Variants in CSMD2 observed in about 807,000 individuals in gnomAD.
The protein encoded by CSMD2 is CUB and sushi domain-containing protein 2.
CSMD2 carries 130 observed loss-of-function variants against 398.5 expected under a neutral mutation model. The observed-to-expected ratio is 0.33, with a 90% CI of 0.28 to 0.38. CSMD2 has a LOEUF of 0.38. Ranked by LOEUF, CSMD2 falls within the 10% of genes least tolerant of loss-of-function variation. The pLI, the probability that CSMD2 is intolerant of heterozygous loss-of-function variation, is 1.00. For synonymous variants in CSMD2, 1,828 were observed against 1,908.5 expected (o/e 0.96, Z 1.10); for missense variants, 3,829 against 4,764.9 (o/e 0.80, Z 5.78).
At chr1:33,595,338 A>G (rs1450472055) in intron 44 of CSMD2, among the ~76,000 whole-genome samples, 1 of 152,116 alleles carries the variant, frequency 6.6e-6, no homozygotes, top group African/African-American at 2.4e-5. Context: ...CTGCAACTGG[A>G]TAATCATGGA....
rs1033906730 is a variant in CSMD2, at chr1:33,692,875, A to G, written c.4052+55T>C. ...GCTGGATGGCCTGGTGATGATGCTG[A>G]TGATGGCTCCCCTGAACAACTGGCG... On this transcript the variant is annotated intron_variant, in intron 25 of 70. Coordinates refer to ENST00000373381, the MANE Select transcript of CSMD2 (RefSeq NM_001281956.2). 6 of 1,597,264 alleles carry G rather than the reference A, an allele frequency of 3.8e-6. No homozygotes were observed. The African/African-American group carries it at 6.8e-5, about 18-fold the overall frequency.
intron 2 of CSMD2, among the ~76,000 whole-genome samples, chr1:34,083,324 C>T (rs1271579888): frequency 6.6e-6 from 1 of 152,192 alleles, no homozygotes; most frequent in Non-Finnish European, 1.5e-5. Flanking sequence ...CTCTTTGTCA[C>T]TCTCTGTTCA....
At chr1:34,090,992 G>T (rs554747750) in intron 1 of CSMD2, among the ~76,000 whole-genome samples, 17 of 152,244 alleles carry the variant, frequency 1.1e-4, no homozygotes, top group African/African-American at 3.6e-4. Context: ...ACCTTTGCGC[G>T]GTTCTCTCTG....
chr1:33,760,462 A>G (rs1169238900), intron 13 of CSMD2, among the ~76,000 whole-genome samples: 1 of 152,178 alleles, frequency 6.6e-6, no homozygotes, highest in Non-Finnish European at 1.5e-5. Flanking sequence ...AAAACAGACC[A>G]TAAGTTCTTT....
chr1:33,878,063 A>G (rs1640965145), intron 5 of CSMD2: 1 of 152,152 alleles, frequency 6.6e-6, no homozygotes, highest in Admixed American at 6.5e-5. Flanking sequence ...TGGAGTGACC[A>G]TTTGGGACCA....
intron 21 of CSMD2, among the ~76,000 whole-genome samples, chr1:33,710,072 TACTTC>T (rs564491567): frequency 1.5e-4 from 23 of 152,356 alleles, no homozygotes; most frequent in African/African-American, 5.3e-4. Flanking sequence ...CATCCCATTT[TACTTC>T]ACTTATTTGT....
At chr1:34,027,077 A>T (rs1649743406) in intron 3 of CSMD2, among the ~76,000 whole-genome samples, 1 of 152,262 alleles carries the variant, frequency 6.6e-6, no homozygotes. Context: ...AAATTAAAAA[A>T]TTAAAATGTA....
chr1:33,941,221 C>T (rs972013951), intron 3 of CSMD2, among the ~76,000 whole-genome samples: 4 of 152,214 alleles, frequency 2.6e-5, no homozygotes, highest in African/African-American at 7.2e-5. Context: ...TGCCAATCAA[C>T]GTAATATTCT....
intron 1 of CSMD2, among the ~76,000 whole-genome samples, chr1:34,131,812 C>G (rs1044614748): frequency 1.3e-5 from 2 of 152,172 alleles, no homozygotes; most frequent in Non-Finnish European, 2.9e-5. Flanking sequence ...AGTGGCACAG[C>G]TCTGTCTTTG....
chr1:34,004,783 T>C (rs550273559), intron 3 of CSMD2, among the ~76,000 whole-genome samples: 1 of 152,132 alleles, frequency 6.6e-6, no homozygotes, highest in Non-Finnish European at 1.5e-5. Flanking sequence ...TATGGCCTGG[T>C]CAAATAGCAT....
chr1:33,999,970 T>C (rs1056401542), intron 3 of CSMD2, among the ~76,000 whole-genome samples: 6 of 152,160 alleles, frequency 3.9e-5, no homozygotes, highest in Non-Finnish European at 8.8e-5. Context: ...AGTGAAGGTA[T>C]TTACATTTTT....
intron 25 of CSMD2, among the ~76,000 whole-genome samples, chr1:33,689,079 G>A (rs1337047060): frequency 8.7e-6 from 1 of 114,874 alleles, no homozygotes; most frequent in African/African-American, 3.3e-5. Context: ...AAAGAAGGAG[G>A]GAAGGAGAGG....
At chr1:33,972,328 T>G (rs753331144) in intron 3 of CSMD2, among the ~76,000 whole-genome samples, 2 of 152,180 alleles carry the variant, frequency 1.3e-5, no homozygotes, top group Non-Finnish European at 2.9e-5. Flanking sequence ...ATTAATTGAT[T>G]CATAGTTTTA....
At position 33,626,539 on chromosome 1, in the gene CSMD2, T is replaced by C; in HGVS notation, c.5243A>G (p.Lys1748Arg). Residue 1748 changes from lysine (K) to arginine (R), a missense_variant, in exon 33 of 71, where the codon AAG becomes AGG. Coordinates refer to ENST00000373381, the MANE Select transcript of CSMD2 (RefSeq NM_001281956.2). ...PLATSNQVLI[K>R]FSAKGLAPAR... ...TGGTGCGAGGCCTTTGGCGCTGAAC[T>C]TAATGAGAACTTGATTGGAGGTGGC... 1 of 1,608,608 alleles carries C rather than the reference T, an allele frequency of 6.2e-7. No individual in the cohort carries two copies. The highest frequency in any genetic ancestry group is 8.5e-7 in the Non-Finnish European group (1 of 1,177,994).
At chr1:33,590,623 A>ACACACT in intron 44 of CSMD2, among the ~76,000 whole-genome samples, 1 of 151,408 alleles carries the variant, frequency 6.6e-6, no homozygotes, top group Middle Eastern at 3.4e-3. Context: ...ACACACACAC[A>ACACACT]CACACACACA....
chr1:33,967,093 C>A (rs578090455), intron 3 of CSMD2, among the ~76,000 whole-genome samples: 30 of 152,106 alleles, frequency 2.0e-4, no homozygotes, highest in African/African-American at 7.0e-4. Context: ...AAACTCCATG[C>A]GAATGTGTTG....
In CSMD2 at chr1:33,601,028, GGTCCTGGCAT is replaced by G. The variant is rs1414880002; in HGVS notation, c.6711-28_6711-19del. On this transcript the variant is annotated intron_variant, in intron 43 of 70. Coordinates refer to ENST00000373381, the MANE Select transcript of CSMD2 (RefSeq NM_001281956.2). ...GCCCATCCCTGTACACAGGAAACAA[GGTCCTGGCAT>G]GTCACTAGTCACCATGGCTGCCTGC... 5 of 1,613,874 alleles carry G rather than the reference GGTCCTGGCAT, an allele frequency of 3.1e-6. No individual in the cohort carries two copies. The highest frequency in any genetic ancestry group is 4.2e-6 in the Non-Finnish European group (5 of 1,179,964).
At chr1:34,016,065 T>C (rs1342155366) in intron 3 of CSMD2, among the ~76,000 whole-genome samples, 1 of 152,004 alleles carries the variant, frequency 6.6e-6, no homozygotes, top group African/African-American at 2.4e-5. Context: ...TTAGTTTATG[T>C]GCATGAATAT....
At chr1:33,965,449 C>T (rs943537210) in intron 3 of CSMD2, among the ~76,000 whole-genome samples, 1 of 152,170 alleles carries the variant, frequency 6.6e-6, no homozygotes. Flanking sequence ...TGGTGACCCT[C>T]TCCATACTTT....
Sources: allele counts gnomAD v4.1 joint callset (sites outside exome capture counted in the v4.1 genomes callset), GRCh38; gene constraint gnomAD v4.1.1; transcripts MANE v1.5; gene names NCBI Gene and HGNC (gene_info 2026-07-23, HGNC 2026-07-21).